ZNF536: variants seen among roughly 807,000 people sequenced by gnomAD.
ZNF536 encodes the protein zinc finger protein 536.
In ZNF536, 13 loss-of-function variants were observed where a neutral mutation model predicts 84.5. The observed-to-expected ratio is 0.15, with a 90% CI of 0.10 to 0.24. The LOEUF (loss-of-function observed/expected upper bound fraction) is 0.24, where lower values mean the gene tolerates loss of function less well. Ranked by LOEUF, ZNF536 falls within the 10% of genes least tolerant of loss-of-function variation. The pLI, the probability that ZNF536 is intolerant of heterozygous loss-of-function variation, is 1.00. For missense variants in ZNF536, 1,536 were observed against 1,747.5 expected (o/e 0.88, Z 2.16); for synonymous variants, 811 against 742.5 (o/e 1.09, Z -1.50).
intron 1 of ZNF536, among the ~76,000 whole-genome samples, chr19:30,667,370 C>T (rs1334388812): frequency 3.9e-5 from 6 of 152,256 alleles, no homozygotes; most frequent in East Asian, 1.9e-4. Flanking sequence ...CCTGGTTGGC[C>T]CTTGGGTGCA....
At chr19:30,711,566 C>A (rs1299379340) in exon 2 of ZNF536, 1 of 152,160 alleles carries the variant, frequency 6.6e-6, no homozygotes, top group Admixed American at 6.5e-5. Context: ...TTGGAGAAAC[C>A]TTAGACGGCC....
intron 2 of ZNF536, among the ~76,000 whole-genome samples, chr19:30,346,798 A>G (rs990882311): frequency 3.9e-5 from 6 of 152,218 alleles, no homozygotes; most frequent in African/African-American, 1.4e-4. Context: ...TAATGCTGCA[A>G]TGAACATACG....
intron 1 of ZNF536, among the ~76,000 whole-genome samples, chr19:30,413,558 A>G (rs919607724): frequency 3.3e-5 from 5 of 152,196 alleles, no homozygotes; most frequent in African/African-American, 1.2e-4. Context: ...TAAAGAATTC[A>G]TATTTTCTGT....
chr19:30,658,573 C>T (rs1334202956), intron 1 of ZNF536, among the ~76,000 whole-genome samples: 3 of 152,126 alleles, frequency 2.0e-5, no homozygotes, highest in East Asian at 3.8e-4. Flanking sequence ...ATACACCTGG[C>T]TTTGCCTGGC....
chr19:30,601,149 G>A (rs1457920175), intron 1 of ZNF536, among the ~76,000 whole-genome samples: 1 of 152,190 alleles, frequency 6.6e-6, no homozygotes, highest in African/African-American at 2.4e-5. Context: ...ATACCAGAGA[G>A]TTCACTTAAA....
chr19:30,227,429 C>G (rs1264458710), upstream of ZNF536, among the ~76,000 whole-genome samples: 2 of 152,194 alleles, frequency 1.3e-5, no homozygotes, highest in African/African-American at 4.8e-5. Flanking sequence ...AAGAGCAGGG[C>G]GGGGTCTCAG....
At chr19:30,695,025 G>A (rs1381821283) in intron 1 of ZNF536, among the ~76,000 whole-genome samples, 1 of 152,260 alleles carries the variant, frequency 6.6e-6, no homozygotes, top group Admixed American at 6.5e-5. Context: ...CTCCACCAAC[G>A]TGGAGAATGG....
At chr19:30,392,048 C>T (rs1400480445) in intron 1 of ZNF536, among the ~76,000 whole-genome samples, 3 of 152,076 alleles carry the variant, frequency 2.0e-5, no homozygotes, top group Non-Finnish European at 4.4e-5. Flanking sequence ...TTCTAGGTTG[C>T]GGTTCTCGGA....
chr19:30,443,917 G>A lies in ZNF536; in HGVS notation c.355G>A (p.Asp119Asn), dbSNP rs751825343. The change falls in exon 2 of 5, where the codon GAC becomes AAC. Residue 119 changes from aspartate (D) to asparagine (N), a missense_variant. Coordinates refer to ENST00000355537, the MANE Select transcript of ZNF536 (RefSeq NM_014717.3). ...CCTGGGCATCATGTCCCAGATGAGC[G>A]ACATCGAGGACGACGCCCGCAAGAA... ...QNLGIMSQMS[D>N]IEDDARKNRK... 6.2e-6 allele frequency: 10 copies of A among 1,613,534 alleles called. No individual in the cohort carries two copies. The African/African-American group carries it at 1.1e-4, about 17-fold the overall frequency.
intron 2 of ZNF536, among the ~76,000 whole-genome samples, chr19:30,308,723 C>A (rs768841955): frequency 1.3e-5 from 2 of 152,128 alleles, no homozygotes; most frequent in Non-Finnish European, 2.9e-5. Context: ...AGCTTGGGAA[C>A]TGCAAGCCAC....
chr19:30,646,597 C>A (rs2049479755), intron 1 of ZNF536, among the ~76,000 whole-genome samples: 1 of 152,192 alleles, frequency 6.6e-6, no homozygotes, highest in African/African-American at 2.4e-5. Context: ...CTGTCCAGAC[C>A]ACAGTGCTTT....
At position 30,235,139 on chromosome 19, in the gene ZNF536, C is replaced by T. The variant is rs1255349786; in HGVS notation, c.-190+6466C>T. Among the ~76,000 whole-genome samples, 3 of 152,292 alleles carry T rather than the reference C, an allele frequency of 2.0e-5. No individual in the cohort carries two copies. The East Asian group carries it at 5.8e-4, about 29-fold the overall frequency. ...CATGCCAGGCACTACATTACACACC[C>T]CGGGTGCATTATCTTGCTTAGTTCT... On this transcript the variant is annotated intron_variant, in intron 1 of 5. Coordinates refer to the ZNF536 transcript ENST00000585628.
At chr19:30,401,429 G>T (rs1250463482) in intron 1 of ZNF536, among the ~76,000 whole-genome samples, 1 of 152,180 alleles carries the variant, frequency 6.6e-6, no homozygotes, top group Non-Finnish European at 1.5e-5. Flanking sequence ...ACCAAGAATG[G>T]ATGTGAGCAC....
chr19:30,474,562 G>A (rs1376688995), intron 2 of ZNF536, among the ~76,000 whole-genome samples: 6 of 152,092 alleles, frequency 3.9e-5, no homozygotes, highest in Non-Finnish European at 5.9e-5. Flanking sequence ...TCACTCTGTC[G>A]GGGTGAAAGC....
rs756969523 is a variant in ZNF536, at chr19:30,242,442, A to G, written c.-190+13769A>G. 2.8e-4 allele frequency among the ~76,000 whole-genome samples: 42 copies of G among 152,124 alleles called. 1 individual carries two copies. Among genetic ancestry groups the G allele is most frequent in the Non-Finnish European group, 5.3e-4 (36 of 68,026 alleles). ...GGTTAGACTTGGTTGTGCTTCACGCAGTCTAAAGGGTGGGAGGGTCCATCA... is the reference window on the plus strand; with the variant it reads ...GGTTAGACTTGGTTGTGCTTCACGCGGTCTAAAGGGTGGGAGGGTCCATCA... On this transcript the variant is annotated intron_variant, in intron 1 of 5. Transcript: ENST00000585628.
At chr19:30,423,768 G>A (rs930749076) in intron 1 of ZNF536, among the ~76,000 whole-genome samples, 19 of 152,228 alleles carry the variant, frequency 1.2e-4, no homozygotes, top group African/African-American at 3.6e-4. Context: ...TTCGGCAGGA[G>A]CAAGGCTGGC....
In ZNF536 at chr19:30,586,078, C is replaced by T. The variant is rs1451465312; in HGVS notation, c.169+36564C>T. On this transcript the variant is annotated intron_variant, in intron 1 of 1. Transcript: ENST00000592773. The stretch of plus-strand genomic sequence containing the variant: ...GAGCTTACACTTAGTCTGTTTGGAT[C>T]CCACCTCTGCCACTTAATAGCTATG... 2.0e-5 allele frequency among the ~76,000 whole-genome samples: 3 copies of T among 152,196 alleles called. No individual in the cohort carries two copies. In the East Asian group the frequency reaches 5.8e-4, roughly 29 times the overall value.
chr19:30,666,316 T>C (rs2050316389), intron 1 of ZNF536, among the ~76,000 whole-genome samples: 1 of 152,056 alleles, frequency 6.6e-6, no homozygotes, highest in Non-Finnish European at 1.5e-5. Flanking sequence ...TGCTGCTGGG[T>C]TCCTTCTCAC....
At chr19:30,659,700 G>A (rs771887299) in intron 1 of ZNF536, among the ~76,000 whole-genome samples, 7 of 152,100 alleles carry the variant, frequency 4.6e-5, no homozygotes, top group Non-Finnish European at 1.0e-4. Flanking sequence ...ACTATAAAGA[G>A]AACAGTATGG....
Sources: allele counts gnomAD v4.1 joint callset (sites outside exome capture counted in the v4.1 genomes callset), GRCh38; gene constraint gnomAD v4.1.1; transcripts MANE v1.5; gene names NCBI Gene and HGNC (gene_info 2026-07-23, HGNC 2026-07-21).